Variants in KCNMA1 observed in about 807,000 individuals in gnomAD.
KCNMA1 encodes the protein Calcium-activated potassium channel subunit alpha-1.
KCNMA1 carries 29 observed loss-of-function variants against 140.0 expected under a neutral mutation model. The observed-to-expected ratio is 0.21, with a 90% confidence interval of 0.15 to 0.28. The LOEUF is 0.28. KCNMA1 is among the 10% of genes least tolerant of loss of function. The pLI is 1.00. For synonymous variants in KCNMA1, 612 were observed against 611.9 expected (o/e 1.00, Z 0.00); for missense variants, 880 against 1,602.2 (o/e 0.55, Z 7.70).
chr10:76,991,302 C>T (rs2082697213), intron 19 of KCNMA1, among the ~76,000 whole-genome samples: 1 of 152,224 alleles, frequency 6.6e-6, no homozygotes, highest in Admixed American at 6.5e-5. Context: ...CCCTGCCACT[C>T]CTCATTGGAA....
chr10:77,151,719 G>A (rs2098420759), intron 5 of KCNMA1, among the ~76,000 whole-genome samples: 1 of 152,196 alleles, frequency 6.6e-6, no homozygotes, highest in African/African-American at 2.4e-5. Context: ...CTCACACCAG[G>A]AGGACAGTGT....
At chr10:77,085,238 C>G (rs1041052625) in intron 11 of KCNMA1, among the ~76,000 whole-genome samples, 5 of 152,178 alleles carry the variant, frequency 3.3e-5, no homozygotes, top group African/African-American at 1.2e-4. Context: ...AGCTCTAAAT[C>G]AGATAACATC....
intron 2 of KCNMA1, among the ~76,000 whole-genome samples, chr10:77,320,783 G>A (rs1346232952): frequency 6.6e-6 from 1 of 152,194 alleles, no homozygotes; most frequent in Non-Finnish European, 1.5e-5. Flanking sequence ...AGAATCCTGT[G>A]TTGAATGTTA....
chr10:76,882,787 G>A (rs1030779108), downstream of KCNMA1, among the ~76,000 whole-genome samples: 6 of 152,162 alleles, frequency 3.9e-5, no homozygotes, highest in Non-Finnish European at 7.3e-5. Context: ...TGGTTGCAAT[G>A]GGCATGCAAT....
intron 5 of KCNMA1, among the ~76,000 whole-genome samples, chr10:77,163,712 GA>G (rs1203230488): frequency 1.4e-4 from 22 of 152,330 alleles, no homozygotes; most frequent in African/African-American, 5.3e-4. Flanking sequence ...ATGATGTACT[GA>G]TGGTTATGCT....
At chr10:77,113,317 G>A (rs1348703314) in intron 6 of KCNMA1, among the ~76,000 whole-genome samples, 1 of 152,132 alleles carries the variant, frequency 6.6e-6, no homozygotes, top group African/African-American at 2.4e-5. Flanking sequence ...GCCGGCATGG[G>A]CTATAGTTTG....
chr10:76,936,392 T>G (rs2060563839), intron 23 of KCNMA1, among the ~76,000 whole-genome samples: 1 of 152,218 alleles, frequency 6.6e-6, no homozygotes, highest in Non-Finnish European at 1.5e-5. Flanking sequence ...TAGAGGCTAC[T>G]CCAGTGTGGT....
chr10:77,569,319 T>C (rs2069885994), intron 1 of KCNMA1, among the ~76,000 whole-genome samples: 1 of 107,446 alleles, frequency 9.3e-6, no homozygotes, highest in Non-Finnish European at 2.0e-5. Context: ...GGCATCACAC[T>C]ACCTGACTTC....
In KCNMA1 at chr10:77,521,462, A is replaced by G. The variant is rs181485461; in HGVS notation, c.378+115803T>C. On this transcript the variant is annotated intron_variant, in intron 1 of 27. Coordinates refer to ENST00000286628, the MANE Select transcript of KCNMA1 (RefSeq NM_001161352.2). ...CTAGTGCCCGGAAGCTTGGGCTTCA[A>G]TCCCAGATCCGCCAATTATGGCTTC... Among the ~76,000 whole-genome samples, 11 of 152,338 alleles carry G rather than the reference A, an allele frequency of 7.2e-5. No homozygotes were observed. In the South Asian group the frequency reaches 1.2e-3, roughly 17 times the overall value.
At chr10:77,537,001 T>C (rs1376222732) in intron 1 of KCNMA1, among the ~76,000 whole-genome samples, 1 of 152,212 alleles carries the variant, frequency 6.6e-6, no homozygotes, top group South Asian at 2.1e-4. Context: ...CTGGGAAAAA[T>C]GTGTATTGAC....
chr10:77,051,666 G>A (rs2095369648), intron 14 of KCNMA1, among the ~76,000 whole-genome samples: 1 of 152,158 alleles, frequency 6.6e-6, no homozygotes, highest in Non-Finnish European at 1.5e-5. Flanking sequence ...CCATGATCCT[G>A]AGTGCTCACT....
intron 22 of KCNMA1, among the ~76,000 whole-genome samples, chr10:76,945,321 T>G (rs532959932): frequency 6.6e-6 from 1 of 152,310 alleles, no homozygotes; most frequent in African/African-American, 2.4e-5. Flanking sequence ...TAAGTAACTG[T>G]CCTGTGGCAA....
intron 3 of KCNMA1, among the ~76,000 whole-genome samples, chr10:77,209,646 A>G (rs1282024671): frequency 2.0e-5 from 3 of 152,198 alleles, no homozygotes; most frequent in Non-Finnish European, 2.9e-5. Flanking sequence ...AGAATATACA[A>G]GAATGCTAGA....
intron 20 of KCNMA1, among the ~76,000 whole-genome samples, chr10:76,969,244 AAGAG>A (rs1169967527): frequency 7.9e-6 from 1 of 126,388 alleles, no homozygotes; most frequent in Non-Finnish European, 1.7e-5. Context: ...GTGAGGGAGA[AAGAG>A]AGAGAAGGAG....
intron 1 of KCNMA1, among the ~76,000 whole-genome samples, chr10:77,450,908 C>G (rs1180309854): frequency 6.6e-6 from 1 of 152,174 alleles, no homozygotes; most frequent in African/African-American, 2.4e-5. Flanking sequence ...CCATACTGTT[C>G]TCATTATAGT....
At chr10:77,627,810 T>A (rs1011795524) in intron 1 of KCNMA1, among the ~76,000 whole-genome samples, 3 of 152,226 alleles carry the variant, frequency 2.0e-5, no homozygotes, top group African/African-American at 7.2e-5. Context: ...AATAGTGGCC[T>A]CAGGAGATCA....
At chr10:76,877,145 TAA>T (rs925112303), downstream of KCNMA1, 35 of 152,772 alleles carry the variant, frequency 2.3e-4, no homozygotes, top group African/African-American at 7.2e-4. Flanking sequence ...TGAAAATAAA[TAA>T]GTTTCCATTT....
chr10:76,976,837 C>G (rs2077718232), intron 19 of KCNMA1, among the ~76,000 whole-genome samples: 1 of 152,038 alleles, frequency 6.6e-6, no homozygotes, highest in South Asian at 2.1e-4. Context: ...AAGCAAAGAT[C>G]ACTAGGTATT....
At chr10:77,405,968 C>G (rs1164699930) in intron 1 of KCNMA1, among the ~76,000 whole-genome samples, 1 of 152,130 alleles carries the variant, frequency 6.6e-6, no homozygotes, top group Admixed American at 6.5e-5. Context: ...CTCAGGGAAG[C>G]TGGGGAAGAG....
Sources: allele counts gnomAD v4.1 joint callset (sites outside exome capture counted in the v4.1 genomes callset), GRCh38; gene constraint gnomAD v4.1.1; transcripts MANE v1.5; gene names NCBI Gene and HGNC (gene_info 2026-07-23, HGNC 2026-07-21).